The following CDH18 variants were observed in gnomAD, a reference collection of about 807,000 sequenced individuals.
CDH18 encodes the protein cadherin-18.
CDH18 carries 31 observed loss-of-function variants against 67.9 expected under a neutral mutation model. The ratio of observed to expected loss-of-function variants is 0.46; its 90% confidence interval spans 0.34 to 0.62. The LOEUF (loss-of-function observed/expected upper bound fraction) is 0.62. Ranked by LOEUF, CDH18 falls within the 20% of genes least tolerant of loss-of-function variation. The pLI, the probability that CDH18 is intolerant of heterozygous loss-of-function variation, is 0.01. For missense variants in CDH18, 890 were observed against 975.5 expected (o/e 0.91, Z 1.17); for synonymous variants, 362 against 347.2 (o/e 1.04, Z -0.48).
chr5:19,823,086 G>A (rs1343096428), intron 3 of CDH18, among the ~76,000 whole-genome samples: 2 of 152,182 alleles, frequency 1.3e-5, no homozygotes, highest in Admixed American at 6.5e-5. Flanking sequence ...TGGCTCACCG[G>A]CGGTCAGAGT....
At chr5:20,129,561 A>G (rs1749094846) in intron 2 of CDH18, among the ~76,000 whole-genome samples, 1 of 152,068 alleles carries the variant, frequency 6.6e-6, no homozygotes, top group Non-Finnish European at 1.5e-5. Context: ...AGTTGATTTG[A>G]CATGTACCTC....
chr5:20,254,201 T>C (rs1281665437), intron 2 of CDH18, among the ~76,000 whole-genome samples: 4 of 152,118 alleles, frequency 2.6e-5, no homozygotes, highest in African/African-American at 9.7e-5. Flanking sequence ...CAACCTCTGC[T>C]TCTCAGGTTC....
intron 5 of CDH18, among the ~76,000 whole-genome samples, chr5:19,616,232 C>CT (rs986078884): frequency 5.9e-5 from 9 of 151,890 alleles, no homozygotes; most frequent in East Asian, 1.9e-4. Flanking sequence ...TAATAGCTGT[C>CT]TTTTTTTTAA....
intron 1 of CDH18, among the ~76,000 whole-genome samples, chr5:20,384,562 T>A (rs1744165276): frequency 6.6e-6 from 1 of 152,166 alleles, no homozygotes. Context: ...TGCAAATACC[T>A]CTTTGACATC....
At chr5:20,354,753 G>T (rs1741471272) in intron 1 of CDH18, among the ~76,000 whole-genome samples, 1 of 152,162 alleles carries the variant, frequency 6.6e-6, no homozygotes, top group South Asian at 2.1e-4. Flanking sequence ...CAAAGAATCA[G>T]AAATTTTGTA....
intron 1 of CDH18, among the ~76,000 whole-genome samples, chr5:20,540,081 A>G (rs977821913): frequency 3.9e-5 from 6 of 152,150 alleles, no homozygotes; most frequent in Admixed American, 2.6e-4. Flanking sequence ...AAAATTTACC[A>G]AAAGCTTTGT....
intron 5 of CDH18, among the ~76,000 whole-genome samples, chr5:19,672,787 T>TA (rs1168429025): frequency 6.6e-6 from 1 of 151,984 alleles, no homozygotes; most frequent in East Asian, 1.9e-4. Flanking sequence ...CTTTAAAAAA[T>TA]AAAAATACAA....
At chr5:20,501,471 T>A (rs1754249414) in intron 1 of CDH18, among the ~76,000 whole-genome samples, 1 of 93,114 alleles carries the variant, frequency 1.1e-5, no homozygotes, top group Admixed American at 1.3e-4. Flanking sequence ...ATTATATATA[T>A]TATATACATA....
chr5:19,814,295 T>C (rs1779060407), intron 3 of CDH18, among the ~76,000 whole-genome samples: 1 of 152,050 alleles, frequency 6.6e-6, no homozygotes, highest in African/African-American at 2.4e-5. Context: ...ACTCCCACAC[T>C]CACAGAAACA....
chr5:20,311,446 C>T (rs1736983550), intron 1 of CDH18, among the ~76,000 whole-genome samples: 1 of 152,068 alleles, frequency 6.6e-6, no homozygotes, highest in Non-Finnish European at 1.5e-5. Context: ...CACATATACA[C>T]ATGGAATACT....
intron 2 of CDH18, among the ~76,000 whole-genome samples, chr5:19,842,723 C>T (rs1477636800): frequency 6.6e-6 from 1 of 152,090 alleles, no homozygotes; most frequent in African/African-American, 2.4e-5. Context: ...GTTTGGAGGG[C>T]TCAGAAGAAA....
At chr5:20,493,239 C>T (rs1323196144) in intron 1 of CDH18, among the ~76,000 whole-genome samples, 2 of 151,292 alleles carry the variant, frequency 1.3e-5, no homozygotes, top group Admixed American at 1.3e-4. Context: ...GTTCCAGCTA[C>T]TCAGGAGGCT....
chr5:20,080,421 C>A (rs1020789495), intron 2 of CDH18, among the ~76,000 whole-genome samples: 1 of 152,046 alleles, frequency 6.6e-6, no homozygotes, highest in Non-Finnish European at 1.5e-5. Context: ...GGATGATATA[C>A]AAGTATAGTC....
intron 2 of CDH18, among the ~76,000 whole-genome samples, chr5:20,136,812 T>C (rs1407934098): frequency 6.6e-6 from 1 of 152,196 alleles, no homozygotes; most frequent in Non-Finnish European, 1.5e-5. Context: ...AGTATTTGCT[T>C]GTCTGTAAAG....
At chr5:19,719,257 G>C (rs1765707351) in intron 5 of CDH18, among the ~76,000 whole-genome samples, 1 of 151,870 alleles carries the variant, frequency 6.6e-6, no homozygotes, top group African/African-American at 2.4e-5. Flanking sequence ...GTTTGGCTTT[G>C]TATGGCATCG....
At chr5:20,273,331 T>C (rs1045552349) in intron 1 of CDH18, among the ~76,000 whole-genome samples, 2 of 152,008 alleles carry the variant, frequency 1.3e-5, no homozygotes, top group Non-Finnish European at 2.9e-5. Context: ...TGAAGTTGTT[T>C]TGATGTTCAA....
intron 5 of CDH18, among the ~76,000 whole-genome samples, chr5:19,681,405 T>C (rs1461924273): frequency 2.0e-5 from 3 of 151,918 alleles, no homozygotes; most frequent in Non-Finnish European, 4.4e-5. Flanking sequence ...AAAATAAAAA[T>C]AAAGTCCTTT....
At chr5:20,356,813 ATATATACACATATATACC>A (rs1316227134) in intron 1 of CDH18, among the ~76,000 whole-genome samples, 15 of 149,350 alleles carry the variant, frequency 1.0e-4, no homozygotes, top group African/African-American at 2.7e-4. Context: ...GTATATATGT[ATATATACACATATATACC>A]TATATACACA....
At chr5:19,754,514 A>G (rs1418082090) in intron 3 of CDH18, among the ~76,000 whole-genome samples, 1 of 152,178 alleles carries the variant, frequency 6.6e-6, no homozygotes, top group Non-Finnish European at 1.5e-5. Flanking sequence ...AATTTATGAA[A>G]CAATTACTAC....
Sources: allele counts gnomAD v4.1 joint callset (sites outside exome capture counted in the v4.1 genomes callset), GRCh38; gene constraint gnomAD v4.1.1; transcripts MANE v1.5; gene names NCBI Gene and HGNC (gene_info 2026-07-23, HGNC 2026-07-21).